Variants in FUBP3 observed in about 807,000 individuals in gnomAD.
The protein encoded by FUBP3 is far upstream element binding protein 3.
FUBP3 carries 28 observed loss-of-function variants against 85.6 expected under a neutral mutation model. The ratio of observed to expected loss-of-function variants is 0.33; its 90% confidence interval spans 0.24 to 0.45. The LOEUF (loss-of-function observed/expected upper bound fraction) is 0.45, where lower values mean the gene tolerates loss of function less well. Among genes scored for constraint, FUBP3 ranks in the 20% least tolerant of loss-of-function variants. The probability of loss-of-function intolerance (pLI) is 1.00; values close to 1 mark genes in which losing one functional copy is unlikely to be tolerated. For missense variants in FUBP3, 583 were observed against 755.1 expected (o/e 0.77, Z 2.67); for synonymous variants, 271 against 271.4 (o/e 1.00, Z 0.01).
At chr9:130,608,404 G>A (rs111982125) in intron 2 of FUBP3, among the ~76,000 whole-genome samples, 23 of 152,302 alleles carry the variant, frequency 1.5e-4, no homozygotes, top group Middle Eastern at 6.8e-3. Context: ...GTACTCTGTC[G>A]TTGACATTCT....
chr9:130,617,726 C>G (rs559145715), intron 7 of FUBP3, 71 bp from the exon 8 acceptor site: 11 of 977,910 alleles, frequency 1.1e-5, no homozygotes, highest in African/African-American at 9.5e-5. Flanking sequence ...TGACTGGGTC[C>G]GATTTTGTGC....
At chr9:130,621,774 G>A (rs911553960) in intron 9 of FUBP3, among the ~76,000 whole-genome samples, 1 of 151,686 alleles carries the variant, frequency 6.6e-6, no homozygotes, top group Non-Finnish European at 1.5e-5. Flanking sequence ...GTGTGGTGAC[G>A]CGTGCCTGTA....
chr9:130,595,415 A>C lies in FUBP3; in HGVS notation c.85-68A>C, dbSNP rs541897960. The C allele has an allele frequency of 7.2e-4, 595 of 831,006 alleles. 1 individual carries two copies. Among genetic ancestry groups the C allele is most frequent in the Non-Finnish European group, 1.1e-3 (534 of 465,496 alleles). The allele number at this position is 831,006 out of a possible 1,614,324, so 51.5% of individuals were successfully genotyped here. A position where few individuals can be genotyped will look rare whatever the true frequency, so the allele number is the denominator to read the frequency against. On this transcript the variant is annotated intron_variant, in intron 1 of 18. Transcript: ENST00000319725. ...GGGATAATAGCCCTTTAAAGAGGACACTTGTCTTTCTCCCTCAGATAGAGC... is the reference window on the plus strand; with the variant it reads ...GGGATAATAGCCCTTTAAAGAGGACCCTTGTCTTTCTCCCTCAGATAGAGC...
intron 2 of FUBP3, among the ~76,000 whole-genome samples, chr9:130,606,608 G>A (rs1001203170): frequency 6.6e-6 from 1 of 152,142 alleles, no homozygotes; most frequent in Admixed American, 6.5e-5. Context: ...ATCACCTGAG[G>A]TCGGGAGTTC....
chr9:130,627,773 A>G lies in FUBP3; in HGVS notation c.1117+1268A>G, dbSNP rs994936401. ...GATGCCTGTAGGTTGACGATTAGCTAGATCTAGATTTCTTGGCCTTTTGCA... is the reference window on the plus strand; with the variant it reads ...GATGCCTGTAGGTTGACGATTAGCTGGATCTAGATTTCTTGGCCTTTTGCA... On this transcript the variant is annotated intron_variant, in intron 12 of 18. Transcript: ENST00000319725. Among the ~76,000 whole-genome samples, 46 of 152,194 alleles carry G rather than the reference A, an allele frequency of 3.0e-4. 1 individual carries two copies. Among genetic ancestry groups the G allele is most frequent in the African/African-American group, 1.1e-3 (46 of 41,448 alleles).
At chr9:130,633,366 C>T (rs754491113) in intron 16 of FUBP3, among the ~76,000 whole-genome samples, 8 of 152,242 alleles carry the variant, frequency 5.3e-5, no homozygotes, top group Non-Finnish European at 7.3e-5. Context: ...TAGGGGCTAA[C>T]CCTGTTTCCT....
Position 130,632,218 on chromosome 9 carries a change from C to T in FUBP3, c.1450C>T (p.Leu484=), listed in dbSNP as rs1189950669. 1.2e-6 allele frequency: 2 copies of T among 1,613,902 alleles called. No homozygotes were observed. Among genetic ancestry groups the T allele is most frequent in the Non-Finnish European group, 8.5e-7 (1 of 1,179,898 alleles). ...TATCCACAGTGGTCCTCCGGCCTTT[C>T]TGACCCAGGGCTGGGGCAGCACCTA... The part of the protein sequence containing the change: ...STPVSGPPAF[L]TQGWGSTYQA... Residue 484 remains leucine, a synonymous_variant, in exon 16 of 19, where the codon CTG becomes TTG. Coordinates refer to ENST00000319725, the MANE Select transcript of FUBP3 (RefSeq NM_003934.2).
chr9:130,583,092 C>T (rs1373429182), intron 1 of FUBP3, among the ~76,000 whole-genome samples: 2 of 152,224 alleles, frequency 1.3e-5, no homozygotes, highest in Non-Finnish European at 2.9e-5. Context: ...TAGCACTACA[C>T]TTAAATGAGT....
intron 1 of FUBP3, among the ~76,000 whole-genome samples, chr9:130,583,570 A>G (rs879132886): frequency 2.0e-5 from 3 of 152,226 alleles, no homozygotes; most frequent in Admixed American, 2.0e-4. Context: ...AGCTCAAGTC[A>G]TCATTTCACA....
Position 130,635,643 on chromosome 9 carries a change from C to G in FUBP3, c.1583-356C>G, listed in dbSNP as rs1307390710. On this transcript the variant is annotated intron_variant, in intron 17 of 18. Transcript: ENST00000319725. The surrounding 1 kb of genome is among the most constrained non-coding windows in gnomAD (Gnocchi z 4.3). ...AGGATTTGGACACTATCACAGGCAC[C>G]CAAGTTAGGTACTCCCCTTCTCCCC... 6.6e-5 allele frequency among the ~76,000 whole-genome samples: 10 copies of G among 152,102 alleles called. No individual in the cohort carries two copies. Among genetic ancestry groups the G allele is most frequent in the Non-Finnish European group, 1.5e-4 (10 of 68,018 alleles).
At chr9:130,604,577 G>T (rs946305591) in intron 2 of FUBP3, among the ~76,000 whole-genome samples, 2 of 152,152 alleles carry the variant, frequency 1.3e-5, no homozygotes, top group Non-Finnish European at 2.9e-5. Flanking sequence ...TATCATGAGG[G>T]TTATATCATG....
chr9:130,603,989 G>A (rs927679986), intron 2 of FUBP3, among the ~76,000 whole-genome samples: 3 of 152,138 alleles, frequency 2.0e-5, no homozygotes, highest in African/African-American at 7.2e-5. Flanking sequence ...AACAGCCCAC[G>A]TGTCCTTCAA....
chr9:130,592,589 C>T (rs1830676206), intron 1 of FUBP3, among the ~76,000 whole-genome samples: 1 of 152,158 alleles, frequency 6.6e-6, no homozygotes, highest in South Asian at 2.1e-4. Flanking sequence ...CTCCATCTTC[C>T]AGCTGGAGTT....
intron 1 of FUBP3, among the ~76,000 whole-genome samples, chr9:130,580,278 G>C (rs377439287): frequency 7.0e-4 from 106 of 152,310 alleles, no homozygotes; most frequent in Middle Eastern, 6.8e-3. Context: ...CATGTGTGGG[G>C]GTGGTCCCCA....
chr9:130,589,475 C>T (rs1432109684), intron 1 of FUBP3, among the ~76,000 whole-genome samples: 1 of 150,494 alleles, frequency 6.6e-6, no homozygotes, highest in African/African-American at 2.4e-5. Flanking sequence ...TCCTGAGTAG[C>T]TGGGATTATT....
At chr9:130,621,677 C>T (rs12338321) in intron 9 of FUBP3, among the ~76,000 whole-genome samples, 7,937 of 151,892 alleles carry the variant, frequency 0.052, 606 homozygotes, top group African/African-American at 0.17. Context: ...GAGGCAGAGG[C>T]GGGTGGATCA....
intron 1 of FUBP3, among the ~76,000 whole-genome samples, chr9:130,588,795 G>A (rs1041200921): frequency 6.6e-6 from 1 of 152,170 alleles, no homozygotes; most frequent in East Asian, 1.9e-4. Context: ...CTGCCCCTGC[G>A]GCCCATGACT....
At chr9:130,606,006 G>T (rs1831412987) in intron 2 of FUBP3, among the ~76,000 whole-genome samples, 1 of 152,108 alleles carries the variant, frequency 6.6e-6, no homozygotes, top group Admixed American at 6.5e-5. Flanking sequence ...CAACAAAAAA[G>T]AGTGACATTA....
At chr9:130,622,882 AAC>A in intron 10 of FUBP3, 72 bp downstream of exon 10, 2 of 693,102 alleles carry the variant, frequency 2.9e-6, no homozygotes, top group Non-Finnish European at 4.8e-6. Flanking sequence ...AGGATGATAA[AAC>A]ACCTTACAAA....
Sources: allele counts gnomAD v4.1 joint callset (sites outside exome capture counted in the v4.1 genomes callset), GRCh38; gene constraint gnomAD v4.1.1; non-coding constraint Gnocchi (gnomAD v3.1); transcripts MANE v1.5; gene names NCBI Gene and HGNC (gene_info 2026-07-23, HGNC 2026-07-21).